The following HYDIN variants were observed in gnomAD, a reference collection of about 807,000 sequenced individuals.
The protein encoded by HYDIN is axonemal central pair apparatus protein HYDIN.
Under a neutral mutation model 403.9 loss-of-function variants are expected in HYDIN, and 132 were observed. The ratio of observed to expected loss-of-function variants is 0.33; its 90% CI spans 0.28 to 0.38. The LOEUF (loss-of-function observed/expected upper bound fraction) is 0.38, where lower values mean the gene tolerates loss of function less well. Among genes scored for constraint, HYDIN ranks in the 10% least tolerant of loss-of-function variants. The probability of loss-of-function intolerance (pLI) is 1.00; values close to 1 mark genes in which losing one functional copy is unlikely to be tolerated. For synonymous variants in HYDIN, 1,202 were observed against 1,891.7 expected, an observed-to-expected ratio of 0.64 and a Z score of 9.46; for missense variants, 2,827 against 5,009.5, an observed-to-expected ratio of 0.56 and a Z score of 13.15.
chr16:71,181,260 T>C (rs2086891958), intron 3 of HYDIN, among the ~76,000 whole-genome samples: 1 of 149,472 alleles, frequency 6.7e-6, no homozygotes, highest in Non-Finnish European at 1.5e-5. Flanking sequence ...TATACGGAAA[T>C]GCAAAGGACC....
intron 41 of HYDIN, among the ~76,000 whole-genome samples, chr16:70,944,471 A>G (rs1482007340): frequency 2.0e-5 from 3 of 152,208 alleles, no homozygotes; most frequent in Admixed American, 6.5e-5. Context: ...GTTACGTCAA[A>G]GAATGAGACA....
At position 71,179,028 on chromosome 16, in the gene HYDIN, T is replaced by A; in HGVS notation, c.281A>T (p.Asp94Val). The change falls in exon 4 of 86, where the codon GAT becomes GTT. Residue 94 changes from aspartate (D) to valine (V), a missense_variant. Coordinates refer to ENST00000393567, the MANE Select transcript of HYDIN (RefSeq NM_001270974.2). ...THQKFSGIDL[D>V]QALFQPFPSE... The stretch of plus-strand genomic sequence containing the variant: ...TGGAAAGGGCTGGAATAATGCCTGA[T>A]CCAGGTCAATTCCTGAAAACTTCAG... 2 of 1,611,098 alleles carry A rather than the reference T, an allele frequency of 1.2e-6. No homozygotes were observed. Among genetic ancestry groups the A allele is most frequent in the Non-Finnish European group, 1.7e-6 (2 of 1,178,462 alleles).
At chr16:70,884,828 C>T (rs1317877938) in intron 58 of HYDIN, among the ~76,000 whole-genome samples, 1 of 152,206 alleles carries the variant, frequency 6.6e-6, no homozygotes, top group Non-Finnish European at 1.5e-5. Flanking sequence ...AATGCAGTGG[C>T]CTGAGATAAG....
chr16:70,971,270 C>T (rs1365839434), intron 35 of HYDIN, among the ~76,000 whole-genome samples: 3 of 152,274 alleles, frequency 2.0e-5, no homozygotes, highest in Admixed American at 6.5e-5. Flanking sequence ...AGTGATGATT[C>T]TGAAGTGTGT....
intron 30 of HYDIN, among the ~76,000 whole-genome samples, chr16:70,977,055 G>C (rs1486714459): frequency 6.6e-6 from 1 of 152,210 alleles, no homozygotes; most frequent in African/African-American, 2.4e-5. Context: ...GAACCAGCTT[G>C]GCTCTGCACG....
intron 10 of HYDIN, among the ~76,000 whole-genome samples, chr16:71,094,566 G>A (rs566448448): frequency 1.1e-3 from 172 of 152,290 alleles, no homozygotes; most frequent in Middle Eastern, 3.4e-3. Flanking sequence ...GTTTCCCAAA[G>A]AGCTGAGATC....
chr16:71,186,725 T>C (rs753274152), intron 2 of HYDIN, 36 bp downstream of exon 2: 4 of 1,554,556 alleles, frequency 2.6e-6, no homozygotes, highest in Non-Finnish European at 3.5e-6. Flanking sequence ...GGAGATTGCA[T>C]TAAGTATTTT....
chr16:70,946,927 A>T (rs555221806), intron 41 of HYDIN, among the ~76,000 whole-genome samples: 1 of 152,318 alleles, frequency 6.6e-6, no homozygotes, highest in Non-Finnish European at 1.5e-5. Context: ...TATCAGCTTA[A>T]GGAGATTTTG....
chr16:71,193,094 A>T (rs886974279), intron 1 of HYDIN, among the ~76,000 whole-genome samples: 4 of 152,340 alleles, frequency 2.6e-5, no homozygotes, highest in Middle Eastern at 3.4e-3. Context: ...CATCAAATAC[A>T]GTGCATTGTA....
chr16:71,017,211 G>A (rs1324381916), intron 23 of HYDIN, among the ~76,000 whole-genome samples: 4 of 150,974 alleles, frequency 2.6e-5, no homozygotes, highest in Admixed American at 6.6e-5. Context: ...ATTGCCAGGC[G>A]TGGTGGCAGG....
chr16:71,213,735 T>C (rs898497784), intron 1 of HYDIN, among the ~76,000 whole-genome samples: 1 of 152,196 alleles, frequency 6.6e-6, no homozygotes, highest in African/African-American at 2.4e-5. Context: ...AAGCCATTTA[T>C]GATTTTTAAA....
At chr16:70,950,805 C>A (rs2078042598) in intron 41 of HYDIN, among the ~76,000 whole-genome samples, 11 of 152,174 alleles carry the variant, frequency 7.2e-5, no homozygotes, top group Admixed American at 7.2e-4. Flanking sequence ...AATTCCTTCT[C>A]TACTGAGGCT....
chr16:71,046,630 T>G (rs1482514738), intron 18 of HYDIN, among the ~76,000 whole-genome samples: 1 of 152,230 alleles, frequency 6.6e-6, no homozygotes, highest in Non-Finnish European at 1.5e-5. Context: ...TCTCTGTCCT[T>G]TCGTTTGTGA....
At chr16:71,094,000 C>T in intron 10 of HYDIN, 65 bp from the exon 11 acceptor site, 1 of 1,421,136 alleles carries the variant, frequency 7.0e-7, no homozygotes, top group South Asian at 1.3e-5. Flanking sequence ...CATGTTCCCT[C>T]ATGTACGTTA....
chr16:70,914,869 T>A (rs1597307935), intron 47 of HYDIN, among the ~76,000 whole-genome samples: 1 of 104,046 alleles, frequency 9.6e-6, no homozygotes, highest in East Asian at 2.2e-4. Flanking sequence ...TGGATTGGGT[T>A]AATTAGAAGA....
chr16:71,107,396 T>C (rs1383575569), intron 10 of HYDIN, among the ~76,000 whole-genome samples: 7 of 149,768 alleles, frequency 4.7e-5, no homozygotes, highest in African/African-American at 1.5e-4. Context: ...ACCCAAAGAA[T>C]GGGAAAAAAT....
chr16:71,163,076 A>G (rs1385848227), intron 5 of HYDIN, among the ~76,000 whole-genome samples: 2 of 151,834 alleles, frequency 1.3e-5, no homozygotes, highest in African/African-American at 4.8e-5. Context: ...TCCTCCTTCC[A>G]AACCCTAGTT....
At chr16:71,034,213 T>G (rs1271193265) in intron 18 of HYDIN, among the ~76,000 whole-genome samples, 1 of 152,200 alleles carries the variant, frequency 6.6e-6, no homozygotes, top group African/African-American at 2.4e-5. Context: ...CAGTCTAAGA[T>G]TACCCTTTCA....
chr16:70,908,616 G>C (rs1480591648), intron 48 of HYDIN, 37 bp downstream of exon 48: 1 of 1,472,484 alleles, frequency 6.8e-7, no homozygotes, highest in Non-Finnish European at 9.3e-7. Flanking sequence ...GTGGGCTTTG[G>C]CCCAGATTCC....
Sources: gnomAD v4.1 joint callset for allele counts (sites outside exome capture counted in the v4.1 genomes callset) on GRCh38, gnomAD v4.1.1 for gene constraint, MANE v1.5 for transcripts, NCBI Gene and HGNC (gene_info 2026-07-23, HGNC 2026-07-21) for gene names.